AATK: variants seen among roughly 807,000 people sequenced by gnomAD.
The protein encoded by AATK is serine/threonine-protein kinase LMTK1.
In AATK, 91 loss-of-function variants were observed where a neutral mutation model predicts 114.3. The observed-to-expected ratio is 0.80, with a 90% CI of 0.67 to 0.95. AATK has a LOEUF of 0.95. AATK is among the 40% of genes least tolerant of loss of function. The pLI is 0.00. For missense variants in AATK, 2,176 were observed against 1,965.2 expected (o/e 1.11, Z -2.03); for synonymous variants, 1,075 against 916.5 (o/e 1.17, Z -3.12).
At chr17:81,153,379 T>C (rs2061321777) in intron 1 of AATK, among the ~76,000 whole-genome samples, 1 of 152,214 alleles carries the variant, frequency 6.6e-6, no homozygotes, top group Admixed American at 6.5e-5. Context: ...AATTTGAAGA[T>C]GTCACCAATA....
chr17:81,136,270 T>C (rs2061008264), intron 1 of AATK: 1 of 152,308 alleles, frequency 6.6e-6, no homozygotes. Context: ...GGAACCTATC[T>C]GTGGCCTTTT....
chr17:81,124,978 G>T lies in AATK; in HGVS notation c.792C>A (p.Asp264Glu), dbSNP rs2060779484. ...LALRNCLLTA[D>E]LTVKIGDYGL... Reference sequence around the variant, plus strand: ...CATAGTCACCAATCTTCACCGTCAGGTCAGCCGTGAGCAGGCAGTTCCGCA... The same window carrying T: ...CATAGTCACCAATCTTCACCGTCAGTTCAGCCGTGAGCAGGCAGTTCCGCA... The change falls in exon 8 of 14, where the codon GAC (aspartate) becomes GAA (glutamate). Residue 264 changes from aspartate to glutamate, a missense_variant. Physicochemically the swap from Asp to Glu is conservative, Grantham distance 45 (BLOSUM62 2). Around this residue, in one of 4 missense-constraint regions of AATK, gnomAD observed 273 missense variants for 344.1 expected, o/e 0.79. Coordinates refer to ENST00000326724, the MANE Select transcript of AATK (RefSeq NM_001080395.3). 1 of 1,579,254 alleles carries T rather than the reference G, an allele frequency of 6.3e-7. No homozygotes were observed. The highest frequency in any genetic ancestry group is 8.6e-7 in the Non-Finnish European group (1 of 1,163,110).
chr17:81,127,128 GA>G (rs1355893318), intron 6 of AATK, among the ~76,000 whole-genome samples: 72 of 146,490 alleles, frequency 4.9e-4, no homozygotes, highest in Non-Finnish European at 6.4e-4. Flanking sequence ...GTCTCAGGGG[GA>G]GGGGGGGACA....
intron 9 of AATK, among the ~76,000 whole-genome samples, chr17:81,123,640 A>G (rs1348973227): frequency 1.3e-5 from 2 of 151,362 alleles, no homozygotes; most frequent in East Asian, 3.9e-4. Context: ...AAGACCAGAC[A>G]CTGCCCGGTG....
chr17:81,118,473 G>A, intron 13 of AATK, 31 bp from the exon 14 acceptor site: 5 of 1,601,136 alleles, frequency 3.1e-6, no homozygotes, highest in Non-Finnish European at 4.3e-6. Flanking sequence ...GTGAACACAG[G>A]GTTCTGAGAC....
chr17:81,160,339 C>G (rs1013969792), intron 1 of AATK: 942 of 787,820 alleles, frequency 1.2e-3, no homozygotes, highest in Middle Eastern at 2.6e-3. Context: ...AGGCCGCAGC[C>G]CCCTGACCCC....
intron 1 of AATK, among the ~76,000 whole-genome samples, chr17:81,144,588 G>A (rs1164690940): frequency 6.6e-6 from 1 of 152,262 alleles, no homozygotes; most frequent in Non-Finnish European, 1.5e-5. Context: ...CCCACTCTCA[G>A]TGCCGCACCC....
At chr17:81,139,915 G>T (rs1288572166) in intron 1 of AATK, among the ~76,000 whole-genome samples, 3 of 152,202 alleles carry the variant, frequency 2.0e-5, no homozygotes, top group Admixed American at 6.5e-5. Flanking sequence ...CACCCATGGT[G>T]GGTAAAATGC....
At chr17:81,138,916 CAG>C (rs1292834517) in intron 1 of AATK, among the ~76,000 whole-genome samples, 1 of 151,626 alleles carries the variant, frequency 6.6e-6, no homozygotes, top group Non-Finnish European at 1.5e-5. Context: ...CATGCGTAGA[CAG>C]ATACCACACG....
intron 1 of AATK, among the ~76,000 whole-genome samples, chr17:81,139,442 G>A (rs896175131): frequency 4.0e-5 from 6 of 150,452 alleles, no homozygotes; most frequent in Admixed American, 1.3e-4. Flanking sequence ...AGTTGCACAC[G>A]GCTTTGTTTC....
rs749709313 is a variant in AATK, at chr17:81,121,901, G to A, written c.2035C>T (p.Arg679Cys). 9.4e-6 allele frequency: 15 copies of A among 1,600,530 alleles called. No homozygotes were observed. The highest frequency in any genetic ancestry group is 1.3e-5 in the Non-Finnish European group (15 of 1,179,060). Residue 679 changes from arginine to cysteine, a missense_variant, in exon 11 of 14, where the codon CGC becomes TGC. Arg to Cys is a radical substitution (Grantham distance 180). Transcript: ENST00000326724. ...ARRAAQRGHW[R>C]SNVSANNNSG... ...TTGTTGTTGGCTGACACGTTGGAGCGCCAGTGCCCGCGCTGGGCGGCCCTC... is the reference window on the plus strand; with the variant it reads ...TTGTTGTTGGCTGACACGTTGGAGCACCAGTGCCCGCGCTGGGCGGCCCTC...
chr17:81,127,706 G>A, intron 5 of AATK, 36 bp from the exon 6 acceptor site: 1 of 1,546,918 alleles, frequency 6.5e-7, no homozygotes, highest in Non-Finnish European at 8.8e-7. Context: ...GACTTGGGAG[G>A]AGGTGGGGAG....
chr17:81,126,500 G>A lies in AATK; in HGVS notation c.682C>T (p.Arg228Trp), dbSNP rs954231895. 18 of 1,551,538 alleles carry A rather than the reference G, an allele frequency of 1.2e-5. No individual in the cohort carries two copies. The highest frequency in any genetic ancestry group is 4.1e-5 in the African/African-American group (3 of 73,146). Reference sequence around the variant, plus strand: ...TCACAGGCCATGCGCTGCAGGGTCCGGGGGTCGGGAGCCATGGACTCCGCC... The same window carrying A: ...TCACAGGCCATGCGCTGCAGGGTCCAGGGGTCGGGAGCCATGGACTCCGCC... ...RVAESMAPDPRTLQRMACEVA... is the reference protein window; with the variant it reads ...RVAESMAPDPWTLQRMACEVA... The change falls in exon 7 of 14, where the codon CGG becomes TGG. Residue 228 changes from arginine (R) to tryptophan (W), a missense_variant. This residue lies in a region of AATK where 273 missense variants were observed against 344.1 expected (regional missense o/e 0.79). Transcript: ENST00000326724. This position sits in a 1 kb window ranked among gnomAD's most constrained non-coding sequence, Gnocchi z 5.1.
At chr17:81,164,456 C>T (rs752108701) in intron 1 of AATK, among the ~76,000 whole-genome samples, 7 of 152,328 alleles carry the variant, frequency 4.6e-5, no homozygotes, top group Middle Eastern at 3.4e-3. Flanking sequence ...AGAGGAGAGA[C>T]GCCCCTTGCC....
At chr17:81,134,027 C>T (rs1473699428) in intron 2 of AATK, among the ~76,000 whole-genome samples, 1 of 152,164 alleles carries the variant, frequency 6.6e-6, no homozygotes, top group African/African-American at 2.4e-5. Flanking sequence ...TCTAGGGAGG[C>T]AAGCCCCCTC....
Position 81,120,668 on chromosome 17 carries a change from G to A in AATK, c.3268C>T (p.Arg1090Trp), listed in dbSNP as rs778354293. The change falls in exon 11 of 14, where the codon CGG becomes TGG. Residue 1090 changes from arginine to tryptophan, a missense_variant. By Grantham distance (101) the Arg-to-Trp change is moderately radical. Around this residue, in one of 4 missense-constraint regions of AATK, gnomAD observed 1,701 missense variants for 1,394.7 expected, o/e 1.22. Coordinates refer to ENST00000326724, the MANE Select transcript of AATK (RefSeq NM_001080395.3). The part of the protein sequence containing the change: ...PPEPQGPAKV[R>W]PGPSPSCSQF... ...GAGCAGCTGGGGCTGGGCCCAGGCCGCACCTTGGCTGGGCCTTGGGGCTCC... is the reference window on the plus strand; with the variant it reads ...GAGCAGCTGGGGCTGGGCCCAGGCCACACCTTGGCTGGGCCTTGGGGCTCC... The A allele has an allele frequency of 1.6e-5, 24 of 1,517,776 alleles. No homozygotes were observed. Among genetic ancestry groups the A allele is most frequent in the African/African-American group, 2.8e-5 (2 of 72,012 alleles). The allele number at this position is 1,517,776 out of a possible 1,614,324, so 94.0% of individuals were successfully genotyped here.
intron 1 of AATK, chr17:81,160,256 C>T (rs1051834791): frequency 2.3e-5 from 23 of 985,170 alleles, no homozygotes; most frequent in Middle Eastern, 5.2e-4. Flanking sequence ...GTGTCGCTCC[C>T]GCGTGGCTCT....
At chr17:81,118,857 G>A (rs965934053) in intron 13 of AATK, among the ~76,000 whole-genome samples, 7 of 152,228 alleles carry the variant, frequency 4.6e-5, no homozygotes, top group South Asian at 4.1e-4. Flanking sequence ...GGCCTTCTCC[G>A]AGGAGGTGGG....
intron 1 of AATK, among the ~76,000 whole-genome samples, chr17:81,137,150 C>T (rs948876090): frequency 6.6e-6 from 1 of 151,694 alleles, no homozygotes; most frequent in Non-Finnish European, 1.5e-5. Flanking sequence ...CCAAGCCACA[C>T]AGGAGGCTGA....
Sources: allele counts gnomAD v4.1 joint callset (sites outside exome capture counted in the v4.1 genomes callset), GRCh38; gene constraint gnomAD v4.1.1; regional missense constraint gnomAD v4.1.1; non-coding constraint Gnocchi (gnomAD v3.1); transcripts MANE v1.5; gene names NCBI Gene and HGNC (gene_info 2026-07-23, HGNC 2026-07-21).